OTC: variants seen among roughly 807,000 people sequenced by gnomAD.
OTC encodes ornithine transcarbamylase.
A neutral mutation model predicts 30.3 loss-of-function variants in OTC; 3 were observed. The observed-to-expected ratio is 0.10, with a 90% CI of 0.05 to 0.26. OTC has a LOEUF of 0.26. Ranked by LOEUF, OTC falls within the 10% of genes least tolerant of loss-of-function variation. The probability of loss-of-function intolerance (pLI) is 1.00; values close to 1 mark genes in which losing one functional copy is unlikely to be tolerated. For synonymous variants in OTC, 111 were observed against 99.7 expected (o/e 1.11, Z -0.67); for missense variants, 194 against 260.3 (o/e 0.75, Z 1.75).
chrX:38,351,827 C>T (rs1252911864), upstream of OTC, among the ~76,000 whole-genome samples: 1 of 111,511 alleles, frequency 9.0e-6, no homozygotes, highest in Admixed American at 9.5e-5. Context: ...GTGGTGCAAT[C>T]TGGGCTCACT....
chrX:38,411,953 G>A lies in OTC; in HGVS notation c.959G>A (p.Arg320Gln), dbSNP rs72558474. The change falls in exon 9 of 10, where the codon CGA (arginine) becomes CAA (glutamine). Residue 320 changes from arginine (R) to glutamine (Q), a missense_variant. Physicochemically the swap from Arg to Gln is conservative, Grantham distance 43. Coordinates refer to ENST00000039007, the MANE Select transcript of OTC (RefSeq NM_000531.6). ...GATGATGAAGTCTTTTATTCTCCTC[G>A]ATCACTAGTGTTCCCAGAGGCAGAA... ...EVDDEVFYSP[R>Q]SLVFPEAENR... 2 of 1,208,494 alleles carry A rather than the reference G, an allele frequency of 1.7e-6. No individual in the cohort carries two copies. The highest frequency in any genetic ancestry group is 1.7e-5 in the African/African-American group (1 of 57,681).
chrX:38,408,620 C>T (rs1327045665), intron 6 of OTC, 122 bp from the exon 7 acceptor site: 4 of 500,583 alleles, frequency 8.0e-6, no homozygotes, highest in South Asian at 3.2e-5. Flanking sequence ...TTCTACTGAA[C>T]ATGGTGGGAC....
intron 1 of OTC, among the ~76,000 whole-genome samples, chrX:38,362,041 C>T (rs913999730): frequency 1.8e-5 from 2 of 111,400 alleles, no homozygotes; most frequent in Non-Finnish European, 1.9e-5. Context: ...AGGACAAATA[C>T]TATATGATTT....
At chrX:38,407,992 G>C (rs2068523549) in intron 6 of OTC, among the ~76,000 whole-genome samples, 1 of 111,507 alleles carries the variant, frequency 9.0e-6, no homozygotes, top group South Asian at 3.7e-4. Flanking sequence ...AGGCACCTAG[G>C]GTGCAGAATT....
At chrX:38,344,877 G>C in the OTC span, among the ~76,000 whole-genome samples, 1 of 107,209 alleles carries the variant, frequency 9.3e-6, no homozygotes, top group Non-Finnish European at 1.9e-5. Flanking sequence ...TAAACATTAA[G>C]AAAATAAACA....
chrX:38,408,633 C>T (rs1259476968), intron 6 of OTC, 109 bp from the exon 7 acceptor site: 2 of 531,817 alleles, frequency 3.8e-6, no homozygotes, highest in African/African-American at 4.7e-5. Context: ...GGTGGGACCA[C>T]ATCTTGAAAA....
chrX:38,401,512 G>A, intron 5 of OTC, 84 bp downstream of exon 5: 1 of 756,804 alleles, frequency 1.3e-6, no homozygotes, highest in Admixed American at 2.3e-5. Flanking sequence ...CTTAAATCAT[G>A]GTATTGGTGT....
At chrX:38,420,640 C>G (rs2068590393) in intron 9 of OTC, among the ~76,000 whole-genome samples, 1 of 110,837 alleles carries the variant, frequency 9.0e-6, no homozygotes, top group South Asian at 3.8e-4. Flanking sequence ...AGAGATCAAA[C>G]CACGGTATAA....
chrX:38,346,035 A>G, the OTC span, among the ~76,000 whole-genome samples: 6 of 111,903 alleles, frequency 5.4e-5, no homozygotes, highest in East Asian at 1.7e-3. Context: ...CGGTTAAGTT[A>G]GATCTCTTTC....
At chrX:38,358,697 C>T (rs764964018) in intron 1 of OTC, among the ~76,000 whole-genome samples, 53 of 105,566 alleles carry the variant, frequency 5.0e-4, no homozygotes, top group Admixed American at 3.6e-3. Context: ...TCTCAGCTCA[C>T]CACAACCTCT....
chrX:38,351,081 C>T (rs1182480720), upstream of OTC, among the ~76,000 whole-genome samples: 2 of 111,925 alleles, frequency 1.8e-5, no homozygotes, highest in Non-Finnish European at 3.8e-5. Flanking sequence ...CCTTTGCAAG[C>T]AGTTGCTTCT....
chrX:38,351,981 G>A (rs747217516), upstream of OTC, among the ~76,000 whole-genome samples: 5 of 111,250 alleles, frequency 4.5e-5, no homozygotes, highest in East Asian at 2.8e-4. Flanking sequence ...GGCTGGTCTC[G>A]AACTCCTGGG....
chrX:38,414,680 G>A (rs916315003), intron 9 of OTC, among the ~76,000 whole-genome samples: 3 of 111,899 alleles, frequency 2.7e-5, no homozygotes, highest in African/African-American at 9.7e-5. Context: ...TTAATTCTTA[G>A]ATCCCTAATC....
intron 3 of OTC, among the ~76,000 whole-genome samples, chrX:38,370,240 T>C (rs2068317138): frequency 8.9e-6 from 1 of 112,427 alleles, no homozygotes; most frequent in Admixed American, 9.4e-5. Flanking sequence ...GTCTCAATTC[T>C]GCTAGATGGT....
At chrX:38,371,577 A>G (rs941309265) in intron 3 of OTC, among the ~76,000 whole-genome samples, 6 of 112,168 alleles carry the variant, frequency 5.3e-5, no homozygotes, top group Non-Finnish European at 9.4e-5. Context: ...TTAATAATGA[A>G]GCTTACCAAA....
At chrX:38,375,369 A>G (rs1048335008) in intron 3 of OTC, among the ~76,000 whole-genome samples, 1 of 112,062 alleles carries the variant, frequency 8.9e-6, no homozygotes, top group Non-Finnish European at 1.9e-5. Flanking sequence ...CTTGCATTTT[A>G]AAAGGATCCC....
intron 4 of OTC, among the ~76,000 whole-genome samples, chrX:38,394,891 T>G (rs1420135615): frequency 1.1e-5 from 1 of 94,195 alleles, no homozygotes; most frequent in Non-Finnish European, 2.1e-5. Flanking sequence ...GAAAGTAGTT[T>G]CTGGGGGGGG....
chrX:38,353,413 G>C (rs1489709646), intron 1 of OTC, among the ~76,000 whole-genome samples: 3 of 109,551 alleles, frequency 2.7e-5, no homozygotes, highest in Non-Finnish European at 5.7e-5. Context: ...GAAGGGGAAG[G>C]GAACAGGGGA....
At chrX:38,391,476 A>G (rs1327492652) in intron 4 of OTC, among the ~76,000 whole-genome samples, 2 of 111,790 alleles carry the variant, frequency 1.8e-5, no homozygotes, top group Non-Finnish European at 3.8e-5. Context: ...TCTCATCAAA[A>G]GTTTATACAA....
Sources: allele counts gnomAD v4.1 joint callset (sites outside exome capture counted in the v4.1 genomes callset), GRCh38; gene constraint gnomAD v4.1.1; transcripts MANE v1.5; gene names NCBI Gene and HGNC (gene_info 2026-07-23, HGNC 2026-07-21).